The following MECR variants were observed in gnomAD, a reference collection of about 807,000 sequenced individuals.
MECR encodes enoyl-[acyl-carrier-protein] reductase, mitochondrial.
MECR carries 37 observed loss-of-function variants against 49.1 expected under a neutral mutation model. The observed-to-expected ratio is 0.75, with a 90% confidence interval of 0.58 to 0.99. The LOEUF (loss-of-function observed/expected upper bound fraction) is 0.99. Ranked by LOEUF, MECR falls within the 50% of genes least tolerant of loss-of-function variation. The pLI is 0.00. For synonymous variants in MECR, 198 were observed against 191.1 expected (o/e 1.04, Z -0.30); for missense variants, 470 against 479.6 (o/e 0.98, Z 0.19).
chr1:29,217,549 C>T (rs1005483159), intron 1 of MECR, among the ~76,000 whole-genome samples: 10 of 152,018 alleles, frequency 6.6e-5, no homozygotes, highest in African/African-American at 2.4e-4. Context: ...GACAGGAAAC[C>T]TCTGCTGGCC....
In MECR at chr1:29,209,590, A is replaced by G. The variant is rs532238486; in HGVS notation, c.407-2685T>C. Among the ~76,000 whole-genome samples, 4 of 152,280 alleles carry G rather than the reference A, an allele frequency of 2.6e-5. No homozygotes were observed. The South Asian group carries it at 8.3e-4, about 32-fold the overall frequency. ...AGTGGGGATGAGGAACAGAAGATGG[A>G]TTTGAGTTCTATTTTAAAGACAGAA... On this transcript the variant is annotated intron_variant, in intron 3 of 9. Transcript: ENST00000263702.
At chr1:29,223,903 G>C (rs755954365) in intron 1 of MECR, 15 of 152,194 alleles carry the variant, frequency 9.9e-5, no homozygotes, top group Non-Finnish European at 1.3e-4. Context: ...AAGCTCCTTT[G>C]TTCCAGGTGG....
At chr1:29,180,393 C>CT in the MECR span, among the ~76,000 whole-genome samples, 9 of 152,192 alleles carry the variant, frequency 5.9e-5, no homozygotes, top group Non-Finnish European at 1.3e-4. Flanking sequence ...GAAATCAGTA[C>CT]TTTACTAAAG....
At chr1:29,217,381 A>C in intron 1 of MECR, among the ~76,000 whole-genome samples, 1 of 119,462 alleles carries the variant, frequency 8.4e-6, no homozygotes, top group Non-Finnish European at 1.7e-5. Context: ...GGCTAATTTT[A>C]TTTATTTATT....
At chr1:29,181,897 A>T in the MECR span, 1 of 546,530 alleles carries the variant, frequency 1.8e-6, no homozygotes, top group Admixed American at 4.5e-5. Context: ...GTACGCGAGC[A>T]CGCAGCTCGC....
At chr1:29,211,144 G>A (rs1471170782) in intron 3 of MECR, among the ~76,000 whole-genome samples, 1 of 149,596 alleles carries the variant, frequency 6.7e-6, no homozygotes, top group Non-Finnish European at 1.5e-5. Flanking sequence ...AGGTTGGAGT[G>A]TGGCTTACTG....
At chr1:29,227,841 C>T (rs6674306) in intron 1 of MECR, among the ~76,000 whole-genome samples, 4,311 of 152,260 alleles carry the variant, frequency 0.028, 189 homozygotes, top group African/African-American at 0.099. Flanking sequence ...TGGCTTCAGT[C>T]CATACGAGAA....
At chr1:29,223,001 T>G in intron 1 of MECR, 1 of 759,388 alleles carries the variant, frequency 1.3e-6, no homozygotes, top group African/African-American at 1.9e-5. Context: ...AAACCTCTAG[T>G]GTAATGATAG....
chr1:29,168,374 G>A, the MECR span: 4 of 151,992 alleles, frequency 2.6e-5, no homozygotes, highest in African/African-American at 7.3e-5. Flanking sequence ...CCAGTCCTGT[G>A]TACAATCTTT....
the MECR span, among the ~76,000 whole-genome samples, chr1:29,180,984 C>G: frequency 2.0e-5 from 3 of 152,198 alleles, no homozygotes; most frequent in South Asian, 6.2e-4. Context: ...GAAACCACAG[C>G]GTGGAAACTC....
At chr1:29,204,580 C>T (rs1410765573) in intron 4 of MECR, among the ~76,000 whole-genome samples, 2 of 152,014 alleles carry the variant, frequency 1.3e-5, no homozygotes, top group Admixed American at 6.6e-5. Flanking sequence ...ATAAACTGAT[C>T]ACAATATAAA....
rs775690264 is a variant in MECR at position 29,230,761 on chromosome 1, C to G, written c.146G>C (p.Gly49Ala). Residue 49 changes from glycine to alanine, a missense_variant, in exon 1 of 10, where the codon GGG becomes GCG. Physicochemically the swap from Gly to Ala is moderately conservative, Grantham distance 60. Coordinates refer to ENST00000263702, the MANE Select transcript of MECR (RefSeq NM_016011.5). ...EPARVRALVYGHHGDPAKVVE... is the reference protein window; with the variant it reads ...EPARVRALVYAHHGDPAKVVE... Reference sequence around the variant, plus strand: ...GACCTTGGCTGGATCCCCGTGGTGCCCATAGACAAGCGCCCGGACCCGGGC... The same window carrying G: ...GACCTTGGCTGGATCCCCGTGGTGCGCATAGACAAGCGCCCGGACCCGGGC... 9 of 1,594,286 alleles carry G rather than the reference C, an allele frequency of 5.6e-6. No individual in the cohort carries two copies. In the South Asian group the frequency reaches 1.0e-4, roughly 18 times the overall value.
chr1:29,216,507 C>A, intron 2 of MECR, 81 bp downstream of exon 2: 1 of 1,397,402 alleles, frequency 7.2e-7, no homozygotes. Flanking sequence ...GCATTTCACA[C>A]CCACACCTGA....
At chr1:29,217,666 C>A (rs767078995) in intron 1 of MECR, among the ~76,000 whole-genome samples, 1 of 152,196 alleles carries the variant, frequency 6.6e-6, no homozygotes, top group Non-Finnish European at 1.5e-5. Flanking sequence ...GCCAGAATCT[C>A]CAGATGAGGG....
At chr1:29,196,086 C>G in intron 8 of MECR, 73 bp from the exon 9 acceptor site, 1 of 1,597,022 alleles carries the variant, frequency 6.3e-7, no homozygotes. Context: ...TACAGACTCC[C>G]CTCCAGGAAC....
At chr1:29,205,274 TC>T (rs1241733611) in intron 4 of MECR, among the ~76,000 whole-genome samples, 2 of 152,038 alleles carry the variant, frequency 1.3e-5, no homozygotes, top group Non-Finnish European at 2.9e-5. Context: ...AACTTCCGCC[TC>T]CCGGGTTCAA....
chr1:29,175,190 T>C, the MECR span, among the ~76,000 whole-genome samples: 1 of 137,918 alleles, frequency 7.3e-6, no homozygotes, highest in African/African-American at 2.8e-5. Flanking sequence ...GTGAGGTAGA[T>C]CACTTTGAGG....
At chr1:29,225,249 G>A (rs1681762699) in intron 1 of MECR, among the ~76,000 whole-genome samples, 2 of 152,192 alleles carry the variant, frequency 1.3e-5, no homozygotes, top group Non-Finnish European at 2.9e-5. Context: ...ACAGTAGGCA[G>A]TCAACAAATA....
intron 1 of MECR, among the ~76,000 whole-genome samples, chr1:29,226,118 G>A (rs371956986): frequency 2.8e-5 from 4 of 142,092 alleles, no homozygotes; most frequent in South Asian, 2.3e-4. Context: ...GCAGTGAGCC[G>A]AGATTGCACC....
Sources: allele counts gnomAD v4.1 joint callset (sites outside exome capture counted in the v4.1 genomes callset), GRCh38; gene constraint gnomAD v4.1.1; transcripts MANE v1.5; gene names NCBI Gene and HGNC (gene_info 2026-07-23, HGNC 2026-07-21).